Variants in SPAG16 observed in about 807,000 individuals in gnomAD.
SPAG16 encodes sperm-associated antigen 16 protein.
In SPAG16, 86 loss-of-function variants were observed where a neutral mutation model predicts 80.4. That is an observed-to-expected ratio of 1.07 (90% confidence interval 0.90 to 1.28). The LOEUF (loss-of-function observed/expected upper bound fraction) is 1.28, where lower values mean the gene tolerates loss of function less well. SPAG16 is among the 50% of genes most tolerant of loss of function. The probability of loss-of-function intolerance (pLI) is 0.00; values close to 1 mark genes in which losing one functional copy is unlikely to be tolerated. For synonymous variants in SPAG16, 294 were observed against 265.9 expected (o/e 1.11, Z -1.03); for missense variants, 870 against 765.3 (o/e 1.14, Z -1.61).
intron 15 of SPAG16, among the ~76,000 whole-genome samples, chr2:214,259,617 C>G (rs1330713111): frequency 1.3e-5 from 2 of 151,558 alleles, no homozygotes; most frequent in Non-Finnish European, 2.9e-5. Flanking sequence ...CCTTCACTCT[C>G]CACCTGCCTA....
At chr2:213,959,099 C>T (rs2044289873) in intron 12 of SPAG16, among the ~76,000 whole-genome samples, 1 of 152,090 alleles carries the variant, frequency 6.6e-6, no homozygotes, top group Admixed American at 6.6e-5. Context: ...TTCTGGCTTC[C>T]ATAGTTTTTG....
intron 11 of SPAG16, among the ~76,000 whole-genome samples, chr2:213,883,964 A>AC: frequency 6.6e-6 from 1 of 152,180 alleles, no homozygotes; most frequent in South Asian, 2.1e-4. Context: ...TATCCAGCCC[A>AC]CCACTCTCTG....
rs1273373408 is a variant in SPAG16, at chr2:214,241,902, AT to A, written c.1720+92638del. Among the ~76,000 whole-genome samples, 37 of 149,222 alleles carry A rather than the reference AT, an allele frequency of 2.5e-4. 1 individual carries two copies. The highest frequency in any genetic ancestry group is 2.5e-3 in the Admixed American group (37 of 14,954). On this transcript the variant is annotated intron_variant, in intron 15 of 15. Transcript: ENST00000331683. ...ATGTAAGTTGTATAAAAAAAAAAAA[AT>A]TCTGATGGTCAGAGTCTGCTAATAG... is the stretch of plus-strand genomic sequence containing the variant.
At chr2:213,464,381 T>A (rs945128387) in intron 9 of SPAG16, among the ~76,000 whole-genome samples, 2 of 152,192 alleles carry the variant, frequency 1.3e-5, no homozygotes, top group African/African-American at 4.8e-5. Flanking sequence ...CCAAGCACCA[T>A]GAAGATGGTA....
At chr2:213,680,434 T>TA (rs35027044) in intron 10 of SPAG16, among the ~76,000 whole-genome samples, 18,309 of 144,620 alleles carry the variant, frequency 0.13, 2,942 homozygotes, top group African/African-American at 0.38. Context: ...CTCTAGTAGT[T>TA]AAAAAAAAAA....
rs68152101 is a variant in SPAG16, at chr2:213,694,042, C to CAAAA, written c.1071-168434_1071-168431dup. Among the ~76,000 whole-genome samples the CAAAA allele has an allele frequency of 3.3e-3, 401 of 121,372 alleles. 2 individuals are homozygous for CAAAA. The highest frequency in any genetic ancestry group is 0.012 in the African/African-American group (381 of 30,874). The allele number at this position is 121,372 out of a possible 152,430, so 79.6% of individuals were successfully genotyped here. A position where few individuals can be genotyped will look rare whatever the true frequency, so the allele number is the denominator to read the frequency against. On this transcript the variant is annotated intron_variant, in intron 10 of 15. Transcript: ENST00000331683. ...TCATTCTTTGGTGCTTTATGCAAGACAAAAAAAAAAAAGAAAAAAGAGAGG... is the reference window on the plus strand; with the variant it reads ...TCATTCTTTGGTGCTTTATGCAAGACAAAAAAAAAAAAAAAAGAAAAAAGAGAGG...
intron 15 of SPAG16, among the ~76,000 whole-genome samples, chr2:214,294,720 T>C: frequency 6.6e-6 from 1 of 152,204 alleles, no homozygotes; most frequent in Non-Finnish European, 1.5e-5. Flanking sequence ...TTTGACTATG[T>C]ATACTCAATC....
intron 9 of SPAG16, among the ~76,000 whole-genome samples, chr2:213,437,693 T>A (rs2070724218): frequency 6.6e-6 from 1 of 152,092 alleles, no homozygotes; most frequent in Non-Finnish European, 1.5e-5. Context: ...TATACTTTTT[T>A]AAAAACATAC....
intron 10 of SPAG16, among the ~76,000 whole-genome samples, chr2:213,593,584 G>A (rs1356084934): frequency 6.6e-6 from 1 of 151,714 alleles, no homozygotes; most frequent in Non-Finnish European, 1.5e-5. Flanking sequence ...TTCTGTCAAT[G>A]TTGTAAGTCA....
chr2:213,569,911 G>A (rs1297375399), intron 10 of SPAG16, among the ~76,000 whole-genome samples: 2 of 132,678 alleles, frequency 1.5e-5, no homozygotes, highest in Non-Finnish European at 3.1e-5. Flanking sequence ...CACAATTTCA[G>A]AGCCTGTTAT....
intron 15 of SPAG16, among the ~76,000 whole-genome samples, chr2:214,318,587 G>A (rs1372562971): frequency 2.0e-5 from 3 of 151,868 alleles, no homozygotes; most frequent in Non-Finnish European, 4.4e-5. Context: ...TGTTGGCCAG[G>A]CTGGTCTCGA....
chr2:213,836,417 A>G (rs1422756263), intron 10 of SPAG16, among the ~76,000 whole-genome samples: 2 of 152,084 alleles, frequency 1.3e-5, no homozygotes, highest in Non-Finnish European at 2.9e-5. Flanking sequence ...ATTTTTTATC[A>G]AACTCAACTA....
intron 13 of SPAG16, among the ~76,000 whole-genome samples, chr2:214,083,556 T>A (rs1443502938): frequency 6.6e-6 from 1 of 150,414 alleles, no homozygotes; most frequent in East Asian, 2.1e-4. Context: ...TTACCATTGT[T>A]TCCCAACTTA....
At chr2:213,788,384 CATT>C (rs1242415111) in intron 10 of SPAG16, among the ~76,000 whole-genome samples, 1 of 151,702 alleles carries the variant, frequency 6.6e-6, no homozygotes, top group East Asian at 1.9e-4. Context: ...TAAATATAAA[CATT>C]ATGAAAACTT....
Position 213,895,121 on chromosome 2 carries a change from T to C in SPAG16, c.1214+32493T>C, listed in dbSNP as rs1050378935. On this transcript the variant is annotated intron_variant, in intron 11 of 15. Transcript: ENST00000331683. ...AAAAATCAATAGTATTTATATACAC[T>C]GACAGTGAAGAATCTAAAAAAGAAA... Among the ~76,000 whole-genome samples the C allele has an allele frequency of 2.0e-5, 3 of 151,060 alleles. 1 individual carries two copies. The highest frequency in any genetic ancestry group is 7.3e-5 in the African/African-American group (3 of 41,040).
chr2:214,382,870 CCTCT>C (rs745720887), intron 15 of SPAG16, among the ~76,000 whole-genome samples: 3 of 152,062 alleles, frequency 2.0e-5, no homozygotes, highest in South Asian at 2.1e-4. Context: ...TGGGCTTCTG[CCTCT>C]CTAAGCATGA....
chr2:214,353,142 C>G (rs890779389), intron 15 of SPAG16, among the ~76,000 whole-genome samples: 1 of 151,960 alleles, frequency 6.6e-6, no homozygotes, highest in African/African-American at 2.4e-5. Context: ...GTCTAACTAT[C>G]AAATGTTTCT....
At chr2:214,091,449 A>G (rs1324821404) in intron 13 of SPAG16, among the ~76,000 whole-genome samples, 1 of 152,144 alleles carries the variant, frequency 6.6e-6, no homozygotes, top group Non-Finnish European at 1.5e-5. Flanking sequence ...CTGTGACTTT[A>G]TGCTGGGTCT....
At chr2:214,121,755 T>C (rs1041084112) in intron 14 of SPAG16, among the ~76,000 whole-genome samples, 4 of 151,920 alleles carry the variant, frequency 2.6e-5, no homozygotes, top group Non-Finnish European at 3.0e-5. Flanking sequence ...TGCTTTTTGC[T>C]AATTTAGTGT....
Sources: gnomAD v4.1 joint callset for allele counts (sites outside exome capture counted in the v4.1 genomes callset) on GRCh38, gnomAD v4.1.1 for gene constraint, MANE v1.5 for transcripts, NCBI Gene and HGNC (gene_info 2026-07-23, HGNC 2026-07-21) for gene names.